The following PCDHGB6 variants were observed in gnomAD, a reference collection of about 807,000 sequenced individuals.
The protein encoded by PCDHGB6 is protocadherin gamma-B6.
PCDHGB6 carries 51 observed loss-of-function variants against 59.1 expected under a neutral mutation model. That is an observed-to-expected ratio of 0.86 (90% CI 0.69 to 1.09). The LOEUF is 1.09. PCDHGB6 is among the 50% of genes least tolerant of loss of function. The pLI is 0.00. For missense variants in PCDHGB6, 1,148 were observed against 1,205.1 expected (o/e 0.95, Z 0.70); for synonymous variants, 466 against 495.1 (o/e 0.94, Z 0.78).
intron 1 of PCDHGB6, chr5:141,419,396 G>A (rs772000806): frequency 3.7e-6 from 6 of 1,613,600 alleles, no homozygotes; most frequent in Admixed American, 1.7e-5. Flanking sequence ...GCAGAGCGGG[G>A]TGGTGTTCGC....
At chr5:141,421,705 G>C (rs1249601582) in intron 1 of PCDHGB6, 1 of 1,613,944 alleles carries the variant, frequency 6.2e-7, no homozygotes, top group Non-Finnish European at 8.5e-7. Context: ...TAATGCTAGG[G>C]ATCCAGATGT....
At chr5:141,454,838 C>T (rs1472341694) in intron 1 of PCDHGB6, among the ~76,000 whole-genome samples, 7 of 100,814 alleles carry the variant, frequency 6.9e-5, no homozygotes, top group Non-Finnish European at 1.1e-4. Flanking sequence ...GACAGAGTCG[C>T]GCTCTGTCAC....
At chr5:141,473,501 G>C (rs1053399138) in intron 1 of PCDHGB6, among the ~76,000 whole-genome samples, 7 of 152,188 alleles carry the variant, frequency 4.6e-5, no homozygotes, top group African/African-American at 1.7e-4. Context: ...GGTGTTCTGA[G>C]AGAGCATAAC....
At chr5:141,446,390 G>A (rs2098500089) in intron 1 of PCDHGB6, among the ~76,000 whole-genome samples, 1 of 152,284 alleles carries the variant, frequency 6.6e-6, no homozygotes, top group African/African-American at 2.4e-5. Context: ...ATAGATTTAA[G>A]AGAAATCGAG....
Position 141,505,409 on chromosome 5 carries a change from G to T in PCDHGB6, c.2494G>T (p.Asp832Tyr). The change falls in exon 3 of 4, where the codon GAC (aspartate) becomes TAC (tyrosine). Residue 832 changes from aspartate to tyrosine, a missense_variant. Asp to Tyr is a radical substitution (Grantham distance 160). Around this residue, in one of 5 missense-constraint regions of PCDHGB6, gnomAD observed 283 missense variants for 318.6 expected, o/e 0.89. Transcript: ENST00000520790. ...PGTSGSQNGD[D>Y]TGTWPNNQFD... Reference sequence around the variant, plus strand: ...TCTCCCCAGCTCCCAAAATGGCGATGACACCGGCACCTGGCCCAACAACCA... The same window carrying T: ...TCTCCCCAGCTCCCAAAATGGCGATTACACCGGCACCTGGCCCAACAACCA... 6.2e-7 allele frequency: 1 copy of T among 1,614,200 alleles called. No individual in the cohort carries two copies. Among genetic ancestry groups the T allele is most frequent in the Non-Finnish European group, 8.5e-7 (1 of 1,180,048 alleles).
chr5:141,453,333 A>T (rs181261279), intron 1 of PCDHGB6, among the ~76,000 whole-genome samples: 3 of 151,914 alleles, frequency 2.0e-5, no homozygotes, highest in Admixed American at 1.3e-4. Context: ...GGGTCTCACT[A>T]TGTTTCCCCA....
intron 1 of PCDHGB6, chr5:141,426,871 A>G (rs887250057): frequency 2.2e-6 from 1 of 456,722 alleles, no homozygotes; most frequent in Non-Finnish European, 4.4e-6. Flanking sequence ...GTGCTGGAGA[A>G]GCCCCTGGGC....
At chr5:141,504,236 C>A (rs1011850372) in intron 2 of PCDHGB6, among the ~76,000 whole-genome samples, 2 of 152,194 alleles carry the variant, frequency 1.3e-5, no homozygotes, top group African/African-American at 4.8e-5. Flanking sequence ...TTCTAAGAAG[C>A]AGAGAGTTCT....
At chr5:141,454,850 C>T (rs1208208678) in intron 1 of PCDHGB6, among the ~76,000 whole-genome samples, 3 of 132,848 alleles carry the variant, frequency 2.3e-5, no homozygotes, top group Non-Finnish European at 4.6e-5. Flanking sequence ...CTCTGTCACC[C>T]AGGCTGGAGT....
At chr5:141,447,535 G>C (rs1366016262) in intron 1 of PCDHGB6, among the ~76,000 whole-genome samples, 1 of 152,162 alleles carries the variant, frequency 6.6e-6, no homozygotes, top group African/African-American at 2.4e-5. Flanking sequence ...AAATTGTTGG[G>C]TTTTAATGTT....
At chr5:141,478,090 C>T in intron 1 of PCDHGB6, 2 of 1,614,108 alleles carry the variant, frequency 1.2e-6, no homozygotes, top group Non-Finnish European at 1.7e-6. Flanking sequence ...CGCTCTCCAC[C>T]ACTGCTACCC....
At chr5:141,450,509 G>A (rs2098683055) in intron 1 of PCDHGB6, among the ~76,000 whole-genome samples, 1 of 151,878 alleles carries the variant, frequency 6.6e-6, no homozygotes, top group African/African-American at 2.4e-5. Flanking sequence ...GTTTTGAGAT[G>A]GAGTCTCATT....
intron 1 of PCDHGB6, among the ~76,000 whole-genome samples, chr5:141,484,160 T>C (rs1451052819): frequency 2.6e-5 from 4 of 152,210 alleles, no homozygotes; most frequent in African/African-American, 7.2e-5. Flanking sequence ...CACAATGCTG[T>C]TGGTAGCTGA....
rs2099629299 is a variant in PCDHGB6, at chr5:141,486,426, A to G, written c.2419-8381A>G. ...GCTGGACCCTTGGATCGAGAGGCCA[A>G]ATCTAGCTATGACATCATGGTCACT... On this transcript the variant is annotated intron_variant, in intron 1 of 3. Transcript: ENST00000520790. The surrounding 1 kb of genome is among the most constrained non-coding windows in gnomAD (Gnocchi z 5.0). 1.9e-6 allele frequency: 3 copies of G among 1,614,190 alleles called. No individual in the cohort carries two copies. Among genetic ancestry groups the G allele is most frequent in the Non-Finnish European group, 2.5e-6 (3 of 1,180,026 alleles).
chr5:141,485,387 C>T lies in PCDHGB6; in HGVS notation c.2419-9420C>T. The T allele has an allele frequency of 6.2e-7, 1 of 1,614,078 alleles. No homozygotes were observed. Among genetic ancestry groups the T allele is most frequent in the Non-Finnish European group, 8.5e-7 (1 of 1,179,994 alleles). On this transcript the variant is annotated intron_variant, in intron 1 of 3. Coordinates refer to ENST00000520790, the MANE Select transcript of PCDHGB6 (RefSeq NM_018926.3). This position sits in a 1 kb window ranked among gnomAD's most constrained non-coding sequence, Gnocchi z 5.7. ...GCTGCAGGTCGCTGGAGAGGTGAAC[C>T]AAAGACACTTCCGTGTGGATTTGGA...
chr5:141,433,054 G>A, intron 1 of PCDHGB6: 2 of 1,614,196 alleles, frequency 1.2e-6, no homozygotes, highest in Non-Finnish European at 1.7e-6. Context: ...ACTCGCGGAA[G>A]AGTCACCTGA....
At chr5:141,413,406 G>A (rs2095636376) in intron 1 of PCDHGB6, 1 of 1,613,950 alleles carries the variant, frequency 6.2e-7, no homozygotes, top group Non-Finnish European at 8.5e-7. Context: ...GTAGGACGCA[G>A]CTTTTCTCTC....
intron 1 of PCDHGB6, chr5:141,411,436 T>C (rs2095489663): frequency 6.7e-6 from 1 of 149,586 alleles, no homozygotes; most frequent in South Asian, 2.1e-4. Flanking sequence ...AAAAAAACAT[T>C]AGCAGAGTGT....
At chr5:141,454,796 A>ATTTTTTTTTTTTTTTTTTTTTTTT (rs61612330) in intron 1 of PCDHGB6, among the ~76,000 whole-genome samples, 4 of 77,456 alleles carry the variant, frequency 5.2e-5, no homozygotes, top group Non-Finnish European at 9.3e-5. Flanking sequence ...CATGGTTCTA[A>ATTTTTTTTTTTTTTTTTTTTTTTT]TTTTTTTTTT....
Sources: allele counts gnomAD v4.1 joint callset (sites outside exome capture counted in the v4.1 genomes callset), GRCh38; gene constraint gnomAD v4.1.1; regional missense constraint gnomAD v4.1.1; non-coding constraint Gnocchi (gnomAD v3.1); transcripts MANE v1.5; gene names NCBI Gene and HGNC (gene_info 2026-07-23, HGNC 2026-07-21).